EBF1: variants seen among roughly 807,000 people sequenced by gnomAD.
EBF1 encodes the protein transcription factor COE1.
In EBF1, 10 loss-of-function variants were observed where a neutral mutation model predicts 68.4. The observed-to-expected ratio is 0.15, with a 90% CI of 0.09 to 0.25. The LOEUF (loss-of-function observed/expected upper bound fraction) is 0.25. Ranked by LOEUF, EBF1 falls within the 10% of genes least tolerant of loss-of-function variation. The pLI is 1.00. For missense variants in EBF1, 509 were observed against 794.4 expected, an observed-to-expected ratio of 0.64 and a Z score of 4.32; for synonymous variants, 298 against 299.8, an observed-to-expected ratio of 0.99 and a Z score of 0.06.
chr5:158,753,691 G>A (rs1769434913), intron 10 of EBF1, among the ~76,000 whole-genome samples: 1 of 152,110 alleles, frequency 6.6e-6, no homozygotes. Flanking sequence ...AATGTAGACT[G>A]TTAGGCAAAA....
At chr5:158,701,949 T>C (rs1756858837) in intron 15 of EBF1, among the ~76,000 whole-genome samples, 1 of 152,162 alleles carries the variant, frequency 6.6e-6, no homozygotes, top group Non-Finnish European at 1.5e-5. Context: ...TCATGGGGAA[T>C]CTTCATGTAC....
chr5:159,017,449 A>G (rs1258093592), intron 6 of EBF1, among the ~76,000 whole-genome samples: 1 of 152,214 alleles, frequency 6.6e-6, no homozygotes, highest in East Asian at 1.9e-4. Flanking sequence ...AGCTCTTCCC[A>G]TTAGAAGGCA....
At chr5:158,851,421 A>G (rs1274910434) in intron 6 of EBF1, among the ~76,000 whole-genome samples, 40 of 117,570 alleles carry the variant, frequency 3.4e-4, no homozygotes, top group African/African-American at 1.3e-3. Flanking sequence ...GGGAAAGGGA[A>G]GGGAAGAAAG....
Position 159,096,384 on chromosome 5 carries a change from T to C in EBF1, c.314A>G (p.Asn105Ser). ...CTGAAGCCGGTAGTGAATTCCGTTATTGGTCTTTTCGCTGTTGGCTTCCTG... is the reference window on the plus strand; with the variant it reads ...CTGAAGCCGGTAGTGAATTCCGTTACTGGTCTTTTCGCTGTTGGCTTCCTG... ...KEKEANSEKT[N>S]NGIHYRLQLL... Residue 105 changes from asparagine (N) to serine (S), a missense_variant, in exon 3 of 16, where the codon AAT becomes AGT. Asn to Ser is a conservative substitution (Grantham distance 46). This residue lies in a region of EBF1 where 230 missense variants were observed against 467.7 expected (regional missense o/e 0.49). Coordinates refer to ENST00000313708, the MANE Select transcript of EBF1 (RefSeq NM_024007.5). 5 of 1,613,808 alleles carry C rather than the reference T, an allele frequency of 3.1e-6. No individual in the cohort carries two copies. The highest frequency in any genetic ancestry group is 4.2e-6 in the Non-Finnish European group (5 of 1,179,874).
chr5:158,740,113 A>G (rs561675540), intron 10 of EBF1, among the ~76,000 whole-genome samples: 4 of 152,340 alleles, frequency 2.6e-5, no homozygotes, highest in Non-Finnish European at 4.4e-5. Context: ...CGCACCAGGG[A>G]AAGTATTTTA....
intron 11 of EBF1, among the ~76,000 whole-genome samples, chr5:158,719,839 CA>C (rs1761557548): frequency 6.6e-6 from 1 of 152,030 alleles, no homozygotes; most frequent in Admixed American, 6.6e-5. Flanking sequence ...AGGGATGCTT[CA>C]GTAATTTCAG....
intron 6 of EBF1, among the ~76,000 whole-genome samples, chr5:158,873,541 T>C (rs1461588408): frequency 6.6e-6 from 1 of 152,186 alleles, no homozygotes; most frequent in East Asian, 1.9e-4. Context: ...AATGACACTT[T>C]CCATTCCTAC....
At chr5:158,866,524 G>C (rs570785713) in intron 6 of EBF1, among the ~76,000 whole-genome samples, 1 of 152,016 alleles carries the variant, frequency 6.6e-6, no homozygotes, top group Admixed American at 6.6e-5. Flanking sequence ...ACTGACTAAT[G>C]AGGGGGAAAT....
intron 8 of EBF1, among the ~76,000 whole-genome samples, chr5:158,807,527 T>G (rs1404845383): frequency 6.6e-6 from 1 of 152,168 alleles, no homozygotes; most frequent in East Asian, 1.9e-4. Context: ...GAAGGTGCCA[T>G]GCAACCCAAA....
chr5:158,798,917 G>A (rs1483928467), intron 8 of EBF1, among the ~76,000 whole-genome samples: 1 of 152,118 alleles, frequency 6.6e-6, no homozygotes, highest in Non-Finnish European at 1.5e-5. Context: ...CCTGCTTCGA[G>A]ACTATATGCC....
At chr5:159,055,288 T>C (rs1430823817) in intron 6 of EBF1, among the ~76,000 whole-genome samples, 6 of 152,200 alleles carry the variant, frequency 3.9e-5, no homozygotes, top group African/African-American at 1.2e-4. Flanking sequence ...ATTAAAGTCA[T>C]TGAGAGAGGT....
At chr5:158,786,205 G>A (rs1017877239) in intron 9 of EBF1, among the ~76,000 whole-genome samples, 5 of 151,794 alleles carry the variant, frequency 3.3e-5, no homozygotes, top group Admixed American at 3.3e-4. Context: ...AAACTTCCTG[G>A]TATCCTCATT....
At chr5:158,964,230 G>A (rs1252486119) in intron 6 of EBF1, among the ~76,000 whole-genome samples, 1 of 152,112 alleles carries the variant, frequency 6.6e-6, no homozygotes, top group Admixed American at 6.5e-5. Context: ...AATGTAAGGA[G>A]GGGAGTAGCA....
chr5:158,806,344 A>T (rs1186136838), intron 8 of EBF1, among the ~76,000 whole-genome samples: 1 of 152,094 alleles, frequency 6.6e-6, no homozygotes, highest in Non-Finnish European at 1.5e-5. Flanking sequence ...TTATAGCAAC[A>T]TGATCATTAG....
At chr5:158,712,791 A>G (rs992582951) in intron 13 of EBF1, among the ~76,000 whole-genome samples, 179 bp downstream of exon 13, 2 of 152,202 alleles carry the variant, frequency 1.3e-5, no homozygotes, top group African/African-American at 4.8e-5. Flanking sequence ...AGCCCTCTAT[A>G]TTAGATTACC....
chr5:159,066,756 G>T (rs932437822), intron 6 of EBF1, among the ~76,000 whole-genome samples: 2 of 152,052 alleles, frequency 1.3e-5, no homozygotes, highest in African/African-American at 4.8e-5. Flanking sequence ...ACTTGTAACT[G>T]GAGAAATAGT....
At chr5:158,929,225 C>T (rs1197278722) in intron 6 of EBF1, among the ~76,000 whole-genome samples, 5 of 152,206 alleles carry the variant, frequency 3.3e-5, no homozygotes, top group East Asian at 3.9e-4. Flanking sequence ...AGATGAATCG[C>T]GTGTGGCAAG....
At chr5:159,020,553 T>C (rs1316207136) in intron 6 of EBF1, among the ~76,000 whole-genome samples, 5 of 152,214 alleles carry the variant, frequency 3.3e-5, no homozygotes, top group African/African-American at 1.2e-4. Context: ...CAGTTCTGTG[T>C]CCAGCTCAAG....
intron 14 of EBF1, among the ~76,000 whole-genome samples, chr5:158,709,666 G>A (rs569523455): frequency 6.6e-6 from 1 of 152,106 alleles, no homozygotes; most frequent in East Asian, 1.9e-4. Context: ...TGCTTTATGG[G>A]GCAGAATGCA....
Sources: gnomAD v4.1 joint callset for allele counts (sites outside exome capture counted in the v4.1 genomes callset) on GRCh38, gnomAD v4.1.1 for gene constraint, gnomAD v4.1.1 regional missense constraint, MANE v1.5 for transcripts, NCBI Gene and HGNC (gene_info 2026-07-23, HGNC 2026-07-21) for gene names.